The following PDE10A variants were observed in gnomAD, a reference collection of about 807,000 sequenced individuals.
The protein encoded by PDE10A is phosphodiesterase 10A.
A neutral mutation model predicts 97.7 loss-of-function variants in PDE10A; 39 were observed. The observed-to-expected ratio is 0.40, with a 90% confidence interval of 0.31 to 0.52. The LOEUF (loss-of-function observed/expected upper bound fraction) is 0.52. PDE10A is among the 20% of genes least tolerant of loss of function. PDE10A has a pLI of 0.56. For missense variants in PDE10A, 731 were observed against 1,047.8 expected (o/e 0.70, Z 4.17); for synonymous variants, 371 against 376.8 (o/e 0.98, Z 0.18).
intron 1 of PDE10A, among the ~76,000 whole-genome samples, chr6:165,700,854 G>T (rs753186752): frequency 1.2e-4 from 18 of 152,178 alleles, no homozygotes; most frequent in South Asian, 6.2e-4. Context: ...TCATGCGGGT[G>T]ATTTTATAGG....
chr6:165,760,069 A>T (rs1456296945), intron 1 of PDE10A, among the ~76,000 whole-genome samples: 1 of 152,202 alleles, frequency 6.6e-6, no homozygotes, highest in East Asian at 1.9e-4. Context: ...TCTACAAGAA[A>T]ATGGATAGAA....
chr6:165,892,220 G>A (rs1246139887), intron 1 of PDE10A, among the ~76,000 whole-genome samples: 1 of 152,218 alleles, frequency 6.6e-6, no homozygotes, highest in Non-Finnish European at 1.5e-5. Flanking sequence ...AGTTGAAGGT[G>A]CAAAGCAGGA....
chr6:165,498,992 G>A (rs1257273412), intron 2 of PDE10A, among the ~76,000 whole-genome samples: 1 of 152,134 alleles, frequency 6.6e-6, no homozygotes, highest in Non-Finnish European at 1.5e-5. Flanking sequence ...CTAGATAGAG[G>A]AAATTTATAA....
chr6:165,801,403 G>A (rs1048896710), intron 1 of PDE10A, among the ~76,000 whole-genome samples: 7 of 152,298 alleles, frequency 4.6e-5, no homozygotes, highest in Non-Finnish European at 8.8e-5. Flanking sequence ...AAATTAGCAA[G>A]GCATGGTGGT....
intron 1 of PDE10A, among the ~76,000 whole-genome samples, chr6:165,608,515 T>G (rs1360892904): frequency 1.3e-5 from 2 of 152,274 alleles, no homozygotes; most frequent in African/African-American, 4.8e-5. Context: ...CTATCATTGT[T>G]GGACATTTGG....
At chr6:165,392,500 G>A (rs1248194756) in intron 16 of PDE10A, 146 bp downstream of exon 16, 4 of 626,562 alleles carry the variant, frequency 6.4e-6, no homozygotes, top group Non-Finnish European at 1.1e-5. Context: ...GGGTACAAGA[G>A]TCTAAAAATG....
At chr6:165,417,943 C>A (rs1003824656) in intron 11 of PDE10A, among the ~76,000 whole-genome samples, 1 of 152,146 alleles carries the variant, frequency 6.6e-6, no homozygotes, top group African/African-American at 2.4e-5. Flanking sequence ...AAAAGAAATG[C>A]AAATGTCTAA....
intron 1 of PDE10A, among the ~76,000 whole-genome samples, chr6:165,897,971 C>T (rs1443832782): frequency 2.0e-5 from 3 of 152,008 alleles, no homozygotes; most frequent in South Asian, 2.1e-4. Flanking sequence ...TCAGGTGCCC[C>T]GTGCGGTCCT....
At chr6:165,810,870 G>C (rs1030238168) in intron 1 of PDE10A, among the ~76,000 whole-genome samples, 3 of 151,620 alleles carry the variant, frequency 2.0e-5, no homozygotes, top group African/African-American at 7.3e-5. Flanking sequence ...TTTGGGAACT[G>C]CTACTAGATT....
chr6:165,332,964 G>GA lies in PDE10A; in HGVS notation c.*60dup. 1.4e-6 allele frequency: 1 copy of GA among 735,724 alleles called. No individual in the cohort carries two copies. Among genetic ancestry groups the GA allele is most frequent in the Non-Finnish European group, 2.3e-6 (1 of 433,496 alleles). 45.6% of individuals were successfully genotyped at this position (735,724 alleles called of 1,614,324 possible). A position where few individuals can be genotyped will look rare whatever the true frequency, so the allele number is the denominator to read the frequency against. Reference sequence around the variant, plus strand: ...CCCACCCCCCCCAAAAAAAGGAAAAGAATGTCAAAGAAGCAAGATGAGGAT... The same window carrying GA: ...CCCACCCCCCCCAAAAAAAGGAAAAGAAATGTCAAAGAAGCAAGATGAGGAT... On this transcript the variant is annotated 3_prime_UTR_variant, in exon 22 of 22. Transcript: ENST00000539869.
intron 1 of PDE10A, among the ~76,000 whole-genome samples, chr6:165,960,848 C>G (rs1562328976): frequency 6.6e-6 from 1 of 152,094 alleles, no homozygotes; most frequent in Non-Finnish European, 1.5e-5. Context: ...GTCTAATGGC[C>G]CAGAAGACAG....
chr6:165,857,632 C>T (rs1217184544), intron 1 of PDE10A, among the ~76,000 whole-genome samples: 1 of 151,712 alleles, frequency 6.6e-6, no homozygotes, highest in East Asian at 1.9e-4. Context: ...GGACAAGGCA[C>T]TTTGAAAGGA....
chr6:165,470,495 T>C (rs960066078), intron 3 of PDE10A, among the ~76,000 whole-genome samples: 15 of 152,210 alleles, frequency 9.9e-5, no homozygotes, highest in African/African-American at 3.4e-4. Context: ...GCCTTTCCCT[T>C]AGAGGATAAG....
In PDE10A at chr6:165,655,902, G is replaced by A. The variant is rs73251599; in HGVS notation, c.865+6045C>T. Among the ~76,000 whole-genome samples, 1,375 of 152,072 alleles carry A rather than the reference G, an allele frequency of 9.0e-3. 30 individuals are homozygous for A. Among genetic ancestry groups the A allele is most frequent in the African/African-American group, 0.032 (1,327 of 41,486 alleles). ...GCCTTGTGAGCCCCCTCTGCCTAGGGTGCTTTTCCCCAGATAACTGCATGG... is the reference window on the plus strand; with the variant it reads ...GCCTTGTGAGCCCCCTCTGCCTAGGATGCTTTTCCCCAGATAACTGCATGG... On this transcript the variant is annotated intron_variant, in intron 1 of 21. Transcript: ENST00000539869. This position sits in a 1 kb window ranked among gnomAD's most constrained non-coding sequence, Gnocchi z 4.5.
intron 1 of PDE10A, among the ~76,000 whole-genome samples, chr6:165,597,537 G>A (rs554764694): frequency 2.7e-4 from 41 of 152,264 alleles, no homozygotes; most frequent in Non-Finnish European, 5.0e-4. Context: ...TGGTTAAAGT[G>A]ACATATGTAT....
intron 1 of PDE10A, among the ~76,000 whole-genome samples, chr6:165,641,076 G>A (rs541418160): frequency 1.8e-4 from 28 of 152,296 alleles, no homozygotes; most frequent in Admixed American, 1.6e-3. Context: ...ATGGCTGTCT[G>A]CTTCACCTGA....
At chr6:165,698,900 T>G (rs1791504085) in intron 1 of PDE10A, among the ~76,000 whole-genome samples, 1 of 151,978 alleles carries the variant, frequency 6.6e-6, no homozygotes, top group Admixed American at 6.6e-5. Context: ...TTCACTCAAT[T>G]CTAAAGAAAG....
chr6:165,503,545 C>T (rs1246184574), intron 2 of PDE10A, among the ~76,000 whole-genome samples: 2 of 152,150 alleles, frequency 1.3e-5, no homozygotes, highest in African/African-American at 4.8e-5. Flanking sequence ...GCCTTGGAAA[C>T]GTGGCACGAG....
chr6:165,371,535 T>A (rs1201190180), intron 18 of PDE10A, among the ~76,000 whole-genome samples: 3 of 151,936 alleles, frequency 2.0e-5, no homozygotes. Flanking sequence ...CAGGAAGAAG[T>A]TGAATCTCTG....
Sources: gnomAD v4.1 joint callset for allele counts (sites outside exome capture counted in the v4.1 genomes callset) on GRCh38, gnomAD v4.1.1 for gene constraint, Gnocchi (gnomAD v3.1) non-coding constraint, MANE v1.5 for transcripts, NCBI Gene and HGNC (gene_info 2026-07-23, HGNC 2026-07-21) for gene names.